Variants in THEMIS observed in about 807,000 individuals in gnomAD.
THEMIS encodes thymocyte selection associated, also known as protein THEMIS.
In THEMIS, 37 loss-of-function variants were observed where a neutral mutation model predicts 52.6. The ratio of observed to expected loss-of-function variants is 0.70; its 90% CI spans 0.54 to 0.93. The LOEUF is 0.93. Ranked by LOEUF, THEMIS falls within the 40% of genes least tolerant of loss-of-function variation. The pLI, the probability that THEMIS is intolerant of heterozygous loss-of-function variation, is 0.00. For synonymous variants in THEMIS, 292 were observed against 272.7 expected, an observed-to-expected ratio of 1.07 and a Z score of -0.70; for missense variants, 808 against 763.1, an observed-to-expected ratio of 1.06 and a Z score of -0.69.
chr6:127,788,231 C>T (rs1777042084), intron 4 of THEMIS, among the ~76,000 whole-genome samples: 1 of 152,214 alleles, frequency 6.6e-6, no homozygotes, highest in Non-Finnish European at 1.5e-5. Context: ...ATTTGCTATT[C>T]AACCCTACTT....
chr6:127,850,744 G>T (rs1418913714), intron 2 of THEMIS, among the ~76,000 whole-genome samples: 1 of 151,756 alleles, frequency 6.6e-6, no homozygotes, highest in Non-Finnish European at 1.5e-5. Context: ...GGGAAGGTTG[G>T]AAGGGGGTGA....
rs377510418 is a variant in THEMIS at position 127,820,282 on chromosome 6, T to A, written c.710-6351A>T. Reference sequence around the variant, plus strand: ...TGATGATGAGGATAAAGACATTTTATGAAAGGCATGGCCACAACATGAGAC... The same window carrying A: ...TGATGATGAGGATAAAGACATTTTAAGAAAGGCATGGCCACAACATGAGAC... On this transcript the variant is annotated intron_variant, in intron 3 of 5. Transcript: ENST00000368248. 2.0e-5 allele frequency among the ~76,000 whole-genome samples: 3 copies of A among 152,006 alleles called. No individual in the cohort carries two copies. In the East Asian group the frequency reaches 5.8e-4, roughly 29 times the overall value.
chr6:127,812,604 A>G (rs1191756819), intron 4 of THEMIS, among the ~76,000 whole-genome samples: 1 of 152,192 alleles, frequency 6.6e-6, no homozygotes, highest in Non-Finnish European at 1.5e-5. Context: ...AATATTCTTA[A>G]TTACCAAAAC....
At chr6:127,885,535 C>T (rs270016) in intron 1 of THEMIS, among the ~76,000 whole-genome samples, 84,807 of 151,722 alleles carry the variant, frequency 0.56, 25,210 homozygotes, top group East Asian at 0.8. Context: ...GGTCATACTT[C>T]ATTCATTTTC....
intron 3 of THEMIS, among the ~76,000 whole-genome samples, chr6:127,828,643 T>G (rs1778588283): frequency 6.6e-6 from 1 of 152,112 alleles, no homozygotes; most frequent in African/African-American, 2.4e-5. Flanking sequence ...TGCAAATAAT[T>G]CTATGAAGAT....
chr6:127,839,114 G>A (rs1355191685), intron 2 of THEMIS, among the ~76,000 whole-genome samples: 1 of 151,980 alleles, frequency 6.6e-6, no homozygotes, highest in African/African-American at 2.4e-5. Context: ...AGGCAACATA[G>A]TAATAATTAT....
At chr6:127,914,284 A>G (rs989520462) in intron 1 of THEMIS, among the ~76,000 whole-genome samples, 28 of 152,128 alleles carry the variant, frequency 1.8e-4, no homozygotes, top group African/African-American at 6.8e-4. Flanking sequence ...CTCAACCTGT[A>G]TTGCTCTCCT....
At chr6:127,736,068 C>T (rs1010692539) in intron 4 of THEMIS, among the ~76,000 whole-genome samples, 1 of 152,174 alleles carries the variant, frequency 6.6e-6, no homozygotes, top group African/African-American at 2.4e-5. Context: ...GGATTTTGTG[C>T]TTGGTGAATT....
At position 127,901,024 on chromosome 6, in the gene THEMIS, A is replaced by T; in HGVS notation, c.-92T>A. 1.0e-6 allele frequency: 1 copy of T among 987,502 alleles called. No homozygotes were observed. Among genetic ancestry groups the T allele is most frequent in the East Asian group, 2.4e-5 (1 of 41,538 alleles). The allele number at this position is 987,502 out of a possible 1,614,324, so 61.2% of individuals were successfully genotyped here. A position where few individuals can be genotyped will look rare whatever the true frequency, so the allele number is the denominator to read the frequency against. On this transcript the variant is annotated 5_prime_UTR_variant, in exon 1 of 6. The change abolishes an upstream ATG in the 5' untranslated region. Coordinates refer to ENST00000368248, the MANE Select transcript of THEMIS (RefSeq NM_001010923.3). ...TCTGCAATTGCAGCCCCTGCTCACC[A>T]TTTCTTCCTCAGGCAGGCAGGAATG... is the stretch of plus-strand genomic sequence containing the variant.
chr6:127,797,648 T>G (rs1286771636), intron 4 of THEMIS, among the ~76,000 whole-genome samples: 1 of 152,144 alleles, frequency 6.6e-6, no homozygotes, highest in Non-Finnish European at 1.5e-5. Context: ...ATCACATAAC[T>G]TGAAGTGAGG....
At position 127,880,571 on chromosome 6, in the gene THEMIS, T is replaced by A. The variant is rs568544443; in HGVS notation, c.91+20271A>T. Among the ~76,000 whole-genome samples, 265 of 132,930 alleles carry A rather than the reference T, an allele frequency of 2.0e-3. 3 individuals carry two copies. The highest frequency in any genetic ancestry group is 6.4e-3 in the African/African-American group (231 of 36,158). The allele number at this position is 132,930 out of a possible 152,430, so 87.2% of individuals were successfully genotyped here. Reference sequence around the variant, plus strand: ...CTTTTCCTGATGCCAAAAGACAAATTAAAAAAAAAAAAAAAAAGCACTTTG... The same window carrying A: ...CTTTTCCTGATGCCAAAAGACAAATAAAAAAAAAAAAAAAAAAGCACTTTG... On this transcript the variant is annotated intron_variant, in intron 1 of 5. Coordinates refer to ENST00000368248, the MANE Select transcript of THEMIS (RefSeq NM_001010923.3).
In THEMIS at chr6:127,855,154, A is replaced by T; in HGVS notation, c.126T>A (p.Cys42Ter). ...TTTTAATCACTTCTCCTGTTGAAAA[A>T]CAGCATTCATTTCCAAACATTTCAT... ...SIYEMFGNECCFSTGEVIKIT... is the reference protein window; with the variant it reads ...SIYEMFGNEC The change falls in exon 2 of 6, where the codon TGT becomes TGA. Residue 42 changes from cysteine (C) to a stop codon, truncating the protein, a stop_gained. Coordinates refer to ENST00000368248, the MANE Select transcript of THEMIS (RefSeq NM_001010923.3). LOFTEE classifies it high-confidence loss of function. 1 of 1,606,308 alleles carries T rather than the reference A, an allele frequency of 6.2e-7. No homozygotes were observed. Among genetic ancestry groups the T allele is most frequent in the Non-Finnish European group, 8.5e-7 (1 of 1,176,962 alleles).
intron 4 of THEMIS, among the ~76,000 whole-genome samples, chr6:127,769,280 G>T (rs543174122): frequency 1.3e-5 from 2 of 151,886 alleles, no homozygotes; most frequent in African/African-American, 4.8e-5. Flanking sequence ...GTCAGTCATT[G>T]AAGGAGTTGC....
At chr6:127,837,748 A>G (rs1274308702) in intron 2 of THEMIS, among the ~76,000 whole-genome samples, 1 of 152,044 alleles carries the variant, frequency 6.6e-6, no homozygotes. Flanking sequence ...AACTTGATAT[A>G]TATACAGAGA....
At chr6:127,890,746 C>A (rs1018535073) in intron 1 of THEMIS, among the ~76,000 whole-genome samples, 1 of 151,866 alleles carries the variant, frequency 6.6e-6, no homozygotes, top group Non-Finnish European at 1.5e-5. Context: ...CTAGTTGTTA[C>A]AATAGAATTA....
intron 2 of THEMIS, among the ~76,000 whole-genome samples, chr6:127,850,697 G>A (rs1583351397): frequency 6.6e-6 from 1 of 151,682 alleles, no homozygotes; most frequent in Non-Finnish European, 1.5e-5. Flanking sequence ...AGGACACAAA[G>A]GCATAAGAGT....
chr6:127,867,500 G>A (rs1250298534), intron 1 of THEMIS, among the ~76,000 whole-genome samples: 1 of 151,996 alleles, frequency 6.6e-6, no homozygotes, highest in Admixed American at 6.6e-5. Context: ...CTGAATTTCA[G>A]CTAGTGAGAA....
the THEMIS span, among the ~76,000 whole-genome samples, chr6:127,696,700 C>A: frequency 1.1e-4 from 16 of 152,232 alleles, 1 homozygote; most frequent in South Asian, 2.9e-3. Context: ...ACAGTGTTAG[C>A]AGAGTTTTGT....
chr6:127,740,776 C>T (rs751883185), intron 4 of THEMIS, among the ~76,000 whole-genome samples: 17 of 152,118 alleles, frequency 1.1e-4, no homozygotes, highest in South Asian at 4.2e-4. Context: ...ACTAGAACTC[C>T]GCTATATAAA....
Sources: allele counts gnomAD v4.1 joint callset (sites outside exome capture counted in the v4.1 genomes callset), GRCh38; gene constraint gnomAD v4.1.1; transcripts MANE v1.5; gene names NCBI Gene and HGNC (gene_info 2026-07-23, HGNC 2026-07-21).